Variants in CATIP observed in about 807,000 individuals in gnomAD.
The protein encoded by CATIP is ciliogenesis associated TTC17 interacting protein, also known as ciliogenesis-associated TTC17-interacting protein.
A neutral mutation model predicts 42.5 loss-of-function variants in CATIP; 40 were observed. The observed-to-expected ratio is 0.94, with a 90% CI of 0.73 to 1.22. The LOEUF (loss-of-function observed/expected upper bound fraction) is 1.22. Among genes scored for constraint, CATIP ranks in the 50% most tolerant of loss-of-function variants. The pLI is 0.00. For missense variants in CATIP, 489 were observed against 496.0 expected (o/e 0.99, Z 0.13); for synonymous variants, 222 against 200.2 (o/e 1.11, Z -0.92).
At chr2:218,363,229 C>G (rs1321544742) in intron 6 of CATIP, among the ~76,000 whole-genome samples, 2 of 152,038 alleles carry the variant, frequency 1.3e-5, no homozygotes, top group Non-Finnish European at 2.9e-5. Context: ...GCCTGTAATC[C>G]CAGCACTTTG....
At chr2:218,367,597 G>T in intron 9 of CATIP, 79 bp downstream of exon 9, 1 of 1,603,532 alleles carries the variant, frequency 6.2e-7, no homozygotes, top group Non-Finnish European at 8.5e-7. Flanking sequence ...GCACCTGATT[G>T]AAATGCACAC....
chr2:218,366,872 C>T (rs1181087144), intron 7 of CATIP, 152 bp from the exon 8 acceptor site: 7 of 679,642 alleles, frequency 1.0e-5, no homozygotes, highest in Non-Finnish European at 1.9e-5. Flanking sequence ...CTATCTGATT[C>T]GGGCCCCACC....
chr2:218,361,288 G>A (rs568640742), intron 5 of CATIP, among the ~76,000 whole-genome samples: 7 of 151,834 alleles, frequency 4.6e-5, no homozygotes, highest in South Asian at 2.1e-4. Context: ...GCAGGAGAAC[G>A]GCGTGAACCC....
At chr2:218,364,163 CAT>C (rs1252669152) in intron 6 of CATIP, among the ~76,000 whole-genome samples, 4 of 152,184 alleles carry the variant, frequency 2.6e-5, no homozygotes, top group African/African-American at 4.8e-5. Flanking sequence ...TTCTTTGAAA[CAT>C]GTGTTTAACA....
intron 8 of CATIP, 44 bp from the exon 9 acceptor site, chr2:218,367,386 G>A (rs1267119855): frequency 6.4e-7 from 1 of 1,557,532 alleles, no homozygotes; most frequent in Admixed American, 1.7e-5. Context: ...ATCCAAGGAA[G>A]GTTCCGGGGT....
chr2:218,359,366 G>A (rs1695156708), intron 4 of CATIP, among the ~76,000 whole-genome samples: 1 of 127,674 alleles, frequency 7.8e-6, no homozygotes, highest in Admixed American at 7.5e-5. Flanking sequence ...AAAAAAAAAT[G>A]TTGGGGATGG....
At chr2:218,357,431 G>A (rs531228834) in intron 2 of CATIP, 103 bp from the exon 3 acceptor site, 5 of 955,646 alleles carry the variant, frequency 5.2e-6, no homozygotes, top group Non-Finnish European at 8.0e-6. Context: ...GGGATGAGGA[G>A]GCAGGTGGGG....
chr2:218,360,520 C>T (rs1695196302), intron 4 of CATIP, 53 bp from the exon 5 acceptor site: 20 of 1,413,268 alleles, frequency 1.4e-5, no homozygotes, highest in Middle Eastern at 2.2e-4. Flanking sequence ...GTCAGGTGAC[C>T]TCTGGGGGAC....
chr2:218,357,498 G>T, intron 2 of CATIP, 36 bp from the exon 3 acceptor site: 1 of 1,578,802 alleles, frequency 6.3e-7, no homozygotes, highest in South Asian at 1.1e-5. Context: ...CCCAGGAGCA[G>T]GGGCTTTATC....
rs768311618 is a variant in CATIP, at chr2:218,363,324, C to CA, written c.630+434dup. Among the ~76,000 whole-genome samples the CA allele has an allele frequency of 8.7e-3, 1,198 of 138,314 alleles. 15 individuals carry two copies. Among genetic ancestry groups the CA allele is most frequent in the African/African-American group, 0.027 (1,022 of 37,588 alleles). The allele number at this position is 138,314 out of a possible 152,430, so 90.7% of individuals were successfully genotyped here. A position where few individuals can be genotyped will look rare whatever the true frequency, so the allele number is the denominator to read the frequency against. ...TGAAACCCCGCCTCTACTAAAAATA[C>CA]AAAAAAAAAAAATCAGCGGGGCGTG... On this transcript the variant is annotated intron_variant, in intron 6 of 9. Transcript: ENST00000289388.
chr2:218,367,756 G>A lies in CATIP; in HGVS notation c.956G>A (p.Arg319Gln), dbSNP rs1388957532. ...CGGCTCGGCCACGCCAGCTATCTGC[G>A]GCAGCACCCCGAAGCCCACGCGCTC... is the stretch of plus-strand genomic sequence containing the variant. ...ELRLGHASYLRQHPEAHALIS... is the reference protein window; with the variant it reads ...ELRLGHASYLQQHPEAHALIS... Residue 319 changes from arginine (R) to glutamine (Q), a missense_variant, in exon 10 of 10, where the codon CGG becomes CAG. By Grantham distance (43) the Arg-to-Gln change is conservative. Transcript: ENST00000289388. 1.9e-6 allele frequency: 3 copies of A among 1,608,904 alleles called. No individual in the cohort carries two copies. The highest frequency in any genetic ancestry group is 2.2e-5 in the South Asian group (2 of 90,786).
chr2:218,356,960 C>T, intron 1 of CATIP, 51 bp downstream of exon 1: 2 of 1,609,042 alleles, frequency 1.2e-6, no homozygotes, highest in Non-Finnish European at 1.7e-6. Context: ...TCTTTCTTCC[C>T]AATCCACCCT....
In CATIP at chr2:218,368,067, A is replaced by G; in HGVS notation, c.*103A>G. 7.6e-7 allele frequency: 1 copy of G among 1,322,940 alleles called. No homozygotes were observed. The highest frequency in any genetic ancestry group is 1.0e-6 in the Non-Finnish European group (1 of 1,004,746). The allele number at this position is 1,322,940 out of a possible 1,614,324, so 82.0% of individuals were successfully genotyped here. ...CTTTCCGGGCTGCGGTTTTGGGGGA[A>G]TAAATGGGGCCCTCCCGCTTCTCTG... On this transcript the variant is annotated 3_prime_UTR_variant, in exon 10 of 10. Coordinates refer to ENST00000289388, the MANE Select transcript of CATIP (RefSeq NM_198559.2).
chr2:218,363,509 A>G (rs539394449), intron 6 of CATIP, among the ~76,000 whole-genome samples: 1 of 146,752 alleles, frequency 6.8e-6, no homozygotes, highest in East Asian at 2.1e-4. Context: ...AAAAAAAAAA[A>G]AACGTCATTT....
In CATIP at chr2:218,357,696, G is replaced by C. The variant is rs374390488; in HGVS notation, c.281G>C (p.Gly94Ala). 47 of 1,613,856 alleles carry C rather than the reference G, an allele frequency of 2.9e-5. No homozygotes were observed. The highest frequency in any genetic ancestry group is 3.6e-5 in the Non-Finnish European group (43 of 1,180,024). Reference protein sequence around the residue: ...YCLFVHASSRGFLDKMLCGNS... With the variant: ...YCLFVHASSRAFLDKMLCGNS... ...CTCTTCGTGCATGCCTCTAGCCGAG[G>C]CTTCTTGGACAAAATGCTCTGCGGA... Residue 94 changes from glycine (G) to alanine (A), a missense_variant, in exon 3 of 10, where the codon GGC becomes GCC. By Grantham distance (60) the Gly-to-Ala change is moderately conservative. Transcript: ENST00000289388.
chr2:218,368,028 C>T lies in CATIP; in HGVS notation c.*64C>T. On this transcript the variant is annotated 3_prime_UTR_variant, in exon 10 of 10. Coordinates refer to ENST00000289388, the MANE Select transcript of CATIP (RefSeq NM_198559.2). The stretch of plus-strand genomic sequence containing the variant: ...CGGGCTGGGACGCGGGCGGGACGCG[C>T]CGGGGCGGGTGCGCTTTCCGGGCTG... 6.9e-7 allele frequency: 1 copy of T among 1,442,490 alleles called. No individual in the cohort carries two copies. Among genetic ancestry groups the T allele is most frequent in the Non-Finnish European group, 9.1e-7 (1 of 1,104,298 alleles). 89.4% of individuals were successfully genotyped at this position (1,442,490 alleles called of 1,614,324 possible).
In CATIP at chr2:218,357,743, C is replaced by A; in HGVS notation, c.319+9C>A. 6.2e-7 allele frequency: 1 copy of A among 1,610,762 alleles called. No individual in the cohort carries two copies. Among genetic ancestry groups the A allele is most frequent in the South Asian group, 1.1e-5 (1 of 91,012 alleles). On this transcript the variant is annotated intron_variant, in intron 3 of 9. Coordinates refer to ENST00000289388, the MANE Select transcript of CATIP (RefSeq NM_198559.2). Reference sequence around the variant, plus strand: ...CGGAAATTCCCTCCTGGGTAGCGTTCCTACTGCCTGATGCCCGTCACTCTC... The same window carrying A: ...CGGAAATTCCCTCCTGGGTAGCGTTACTACTGCCTGATGCCCGTCACTCTC...
intron 5 of CATIP, among the ~76,000 whole-genome samples, chr2:218,361,454 T>C (rs1163891194): frequency 2.0e-5 from 3 of 152,020 alleles, no homozygotes; most frequent in East Asian, 3.9e-4. Context: ...AAGTCATAGG[T>C]AGATAAGAGA....
intron 5 of CATIP, among the ~76,000 whole-genome samples, chr2:218,360,994 C>T (rs1010428249): frequency 6.6e-6 from 1 of 151,914 alleles, no homozygotes; most frequent in Admixed American, 6.6e-5. Context: ...CCACGCCCGG[C>T]TAATTCTGTA....
Sources: gnomAD v4.1 joint callset for allele counts (sites outside exome capture counted in the v4.1 genomes callset) on GRCh38, gnomAD v4.1.1 for gene constraint, MANE v1.5 for transcripts, NCBI Gene and HGNC (gene_info 2026-07-23, HGNC 2026-07-21) for gene names.